SLC35F3: variants seen among roughly 807,000 people sequenced by gnomAD.
SLC35F3 encodes the protein putative thiamine transporter SLC35F3.
In SLC35F3, 25 loss-of-function variants were observed where a neutral mutation model predicts 49.9. That is an observed-to-expected ratio of 0.50 (90% CI 0.37 to 0.70). The LOEUF (loss-of-function observed/expected upper bound fraction) is 0.70. Among genes scored for constraint, SLC35F3 ranks in the 30% least tolerant of loss-of-function variants. The pLI is 0.00. For missense variants in SLC35F3, 525 were observed against 639.8 expected (o/e 0.82, Z 1.94); for synonymous variants, 275 against 265.4 (o/e 1.04, Z -0.35).
chr1:233,979,125 C>T (rs1663139459), intron 2 of SLC35F3, among the ~76,000 whole-genome samples: 1 of 151,894 alleles, frequency 6.6e-6, no homozygotes, highest in African/African-American at 2.4e-5. Flanking sequence ...CAGTGTGATT[C>T]AGGGCCAGGC....
chr1:233,947,810 A>G (rs895822492), intron 2 of SLC35F3, among the ~76,000 whole-genome samples: 3 of 147,438 alleles, frequency 2.0e-5, no homozygotes, highest in African/African-American at 5.0e-5. Flanking sequence ...GTGTAGCAAG[A>G]TGATTTATTC....
intron 2 of SLC35F3, among the ~76,000 whole-genome samples, chr1:233,985,598 A>T (rs1663254999): frequency 6.6e-6 from 1 of 152,214 alleles, no homozygotes; most frequent in Non-Finnish European, 1.5e-5. Flanking sequence ...TCTCCATCTA[A>T]TTCTAATTAC....
Position 234,074,300 on chromosome 1 carries a change from C to G in SLC35F3, c.284-157117C>G, listed in dbSNP as rs554611786. On this transcript the variant is annotated intron_variant, in intron 2 of 7. Coordinates refer to ENST00000366618, the MANE Select transcript of SLC35F3 (RefSeq NM_173508.4). ...TTATCTCTTCTGGACCCACTTCTTTCTCTTTTGACTTCATCATCAGTTAAC... is the reference window on the plus strand; with the variant it reads ...TTATCTCTTCTGGACCCACTTCTTTGTCTTTTGACTTCATCATCAGTTAAC... Among the ~76,000 whole-genome samples the G allele has an allele frequency of 5.9e-5, 9 of 152,306 alleles. No homozygotes were observed. The East Asian group carries it at 1.7e-3, about 29-fold the overall frequency.
chr1:234,299,285 C>A (rs1668654191), intron 3 of SLC35F3, among the ~76,000 whole-genome samples: 1 of 152,122 alleles, frequency 6.6e-6, no homozygotes, highest in Non-Finnish European at 1.5e-5. Context: ...GGAGAAAAAC[C>A]AGAGTTCAAA....
chr1:234,148,591 A>G (rs1195837654), intron 2 of SLC35F3, among the ~76,000 whole-genome samples: 1 of 152,190 alleles, frequency 6.6e-6, no homozygotes, highest in African/African-American at 2.4e-5. Context: ...AATTTTTACA[A>G]CAGTGTATCA....
chr1:234,156,783 A>G (rs1180889947), intron 2 of SLC35F3, among the ~76,000 whole-genome samples: 3 of 152,224 alleles, frequency 2.0e-5, no homozygotes, highest in Non-Finnish European at 4.4e-5. Flanking sequence ...TAAGTAATAA[A>G]AAGAAATGAA....
intron 2 of SLC35F3, among the ~76,000 whole-genome samples, chr1:234,191,785 A>T (rs1666733987): frequency 6.6e-6 from 1 of 152,196 alleles, no homozygotes; most frequent in Non-Finnish European, 1.5e-5. Flanking sequence ...AACCAACGCC[A>T]CAGAAATACA....
At chr1:234,215,536 T>A (rs1425370105) in intron 2 of SLC35F3, among the ~76,000 whole-genome samples, 1 of 152,172 alleles carries the variant, frequency 6.6e-6, no homozygotes, top group Non-Finnish European at 1.5e-5. Flanking sequence ...AGGCTTTTGC[T>A]TGTGCTGAGC....
intron 2 of SLC35F3, among the ~76,000 whole-genome samples, chr1:234,003,757 A>G (rs1030626022): frequency 9.2e-5 from 14 of 152,234 alleles, no homozygotes; most frequent in African/African-American, 3.1e-4. Flanking sequence ...ACTCCTACAC[A>G]TGATAGTCAA....
At chr1:234,053,324 G>A (rs1323005914) in intron 2 of SLC35F3, among the ~76,000 whole-genome samples, 1 of 152,152 alleles carries the variant, frequency 6.6e-6, no homozygotes, top group Non-Finnish European at 1.5e-5. Context: ...GGGTGCTCCT[G>A]TATTGGGTGC....
chr1:234,237,091 G>A (rs944206425), intron 3 of SLC35F3, among the ~76,000 whole-genome samples: 1 of 151,398 alleles, frequency 6.6e-6, no homozygotes, highest in African/African-American at 2.4e-5. Context: ...TGGGGTGCCC[G>A]ATCAAGGAGT....
intron 2 of SLC35F3, among the ~76,000 whole-genome samples, chr1:234,055,547 C>T (rs1346063705): frequency 6.6e-6 from 1 of 152,204 alleles, no homozygotes; most frequent in Non-Finnish European, 1.5e-5. Flanking sequence ...TTTCCTGGTA[C>T]CGTCTGTCAC....
intron 2 of SLC35F3, among the ~76,000 whole-genome samples, chr1:234,158,718 G>C (rs149519502): frequency 6.6e-6 from 1 of 152,156 alleles, no homozygotes; most frequent in African/African-American, 2.4e-5. Context: ...TTGTCAAAAA[G>C]CATGTGCATA....
At chr1:234,239,735 C>A (rs1409016644) in intron 3 of SLC35F3, among the ~76,000 whole-genome samples, 1 of 152,180 alleles carries the variant, frequency 6.6e-6, no homozygotes, top group Non-Finnish European at 1.5e-5. Context: ...TGCTACTAGC[C>A]CATGCTGGGA....
chr1:234,166,538 T>G (rs1301076884), intron 2 of SLC35F3, among the ~76,000 whole-genome samples: 2 of 152,212 alleles, frequency 1.3e-5, no homozygotes, highest in Non-Finnish European at 2.9e-5. Context: ...TGTGCCTGTC[T>G]GGAAGCCAAG....
chr1:233,906,014 C>T (rs537829843), intron 2 of SLC35F3, among the ~76,000 whole-genome samples: 1 of 152,378 alleles, frequency 6.6e-6, no homozygotes, highest in African/African-American at 2.4e-5. Flanking sequence ...TATCTCTCCA[C>T]TGCCAAATAC....
At chr1:234,138,483 G>A (rs940571696) in intron 2 of SLC35F3, among the ~76,000 whole-genome samples, 3 of 152,186 alleles carry the variant, frequency 2.0e-5, no homozygotes, top group Non-Finnish European at 4.4e-5. Context: ...GAGAAGAGGT[G>A]CTGAGGGCAC....
At chr1:233,964,575 T>C (rs1422699079) in intron 2 of SLC35F3, among the ~76,000 whole-genome samples, 2 of 152,192 alleles carry the variant, frequency 1.3e-5, no homozygotes, top group East Asian at 3.9e-4. Flanking sequence ...AGGAGGCGAA[T>C]CAGGGTGTTA....
At chr1:234,237,981 G>A (rs1667501579) in intron 3 of SLC35F3, among the ~76,000 whole-genome samples, 1 of 152,196 alleles carries the variant, frequency 6.6e-6, no homozygotes, top group South Asian at 2.1e-4. Context: ...TGGGATTAAA[G>A]GCATGAGCCA....
Sources: allele counts gnomAD v4.1 joint callset (sites outside exome capture counted in the v4.1 genomes callset), GRCh38; gene constraint gnomAD v4.1.1; transcripts MANE v1.5; gene names NCBI Gene and HGNC (gene_info 2026-07-23, HGNC 2026-07-21).